SIPA1L3: variants seen among roughly 807,000 people sequenced by gnomAD.
The protein encoded by SIPA1L3 is signal induced proliferation associated 1 like 3.
In SIPA1L3, 59 loss-of-function variants were observed where a neutral mutation model predicts 150.1. The ratio of observed to expected loss-of-function variants is 0.39; its 90% confidence interval spans 0.32 to 0.49. The LOEUF is 0.49. Ranked by LOEUF, SIPA1L3 falls within the 20% of genes least tolerant of loss-of-function variation. The pLI, the probability that SIPA1L3 is intolerant of heterozygous loss-of-function variation, is 0.86. For missense variants in SIPA1L3, 2,211 were observed against 2,489.5 expected, an observed-to-expected ratio of 0.89 and a Z score of 2.38; for synonymous variants, 1,070 against 1,077.6, an observed-to-expected ratio of 0.99 and a Z score of 0.14.
intron 2 of SIPA1L3, among the ~76,000 whole-genome samples, chr19:38,069,505 C>G (rs1969668605): frequency 6.6e-6 from 1 of 152,132 alleles, no homozygotes; most frequent in South Asian, 2.1e-4. Flanking sequence ...GAGGCAGACC[C>G]TCTTCTCTCT....
chr19:38,079,303 A>G (rs1429110976), intron 2 of SIPA1L3, among the ~76,000 whole-genome samples: 1 of 152,228 alleles, frequency 6.6e-6, no homozygotes, highest in African/African-American at 2.4e-5. Context: ...ACTGTACTCC[A>G]GCCTGGGCAA....
chr19:37,912,551 A>T (rs1284173261), intron 1 of SIPA1L3, among the ~76,000 whole-genome samples: 1 of 152,106 alleles, frequency 6.6e-6, no homozygotes, highest in East Asian at 1.9e-4. Flanking sequence ...GCTGGAGTGC[A>T]GTGGCGTCAT....
At chr19:38,023,245 G>A (rs1353257386) in intron 1 of SIPA1L3, among the ~76,000 whole-genome samples, 1 of 152,208 alleles carries the variant, frequency 6.6e-6, no homozygotes, top group Non-Finnish European at 1.5e-5. Flanking sequence ...TGGAGAGGGT[G>A]AGGCGGTGGG....
At chr19:38,114,326 G>A (rs1335130363) in intron 8 of SIPA1L3, among the ~76,000 whole-genome samples, 1 of 151,770 alleles carries the variant, frequency 6.6e-6, no homozygotes, top group African/African-American at 2.4e-5. Context: ...AGGAGGCTGA[G>A]GCAGGAGAAT....
chr19:38,149,282 T>C (rs1223305568), intron 12 of SIPA1L3, among the ~76,000 whole-genome samples: 1 of 151,968 alleles, frequency 6.6e-6, no homozygotes, highest in Non-Finnish European at 1.5e-5. Flanking sequence ...GTGCCTGTCT[T>C]CCCTTGGGAG....
At chr19:37,975,375 C>T (rs1278100349) in intron 1 of SIPA1L3, among the ~76,000 whole-genome samples, 2 of 152,076 alleles carry the variant, frequency 1.3e-5, no homozygotes, top group African/African-American at 4.8e-5. Flanking sequence ...CAGAGCACTT[C>T]CAGGGGGAAC....
At position 38,062,629 on chromosome 19, in the gene SIPA1L3, T is replaced by A. The variant is rs1233942712; in HGVS notation, c.-310-18627T>A. On this transcript the variant is annotated intron_variant, in intron 2 of 21. Transcript: ENST00000222345. ...ATTTTATTATTATTATTATTTTTTTTTTTGAGAAAGAGTCTCACTCTGTTG... is the reference window on the plus strand; with the variant it reads ...ATTTTATTATTATTATTATTTTTTTATTTGAGAAAGAGTCTCACTCTGTTG... 9.9e-5 allele frequency among the ~76,000 whole-genome samples: 15 copies of A among 152,094 alleles called. No homozygotes were observed. In the East Asian group the frequency reaches 2.5e-3, roughly 25 times the overall value.
At chr19:37,909,742 C>T (rs1169015116) in intron 1 of SIPA1L3, among the ~76,000 whole-genome samples, 4 of 152,048 alleles carry the variant, frequency 2.6e-5, no homozygotes, top group Admixed American at 1.3e-4. Context: ...TAGAATATCC[C>T]GTGTGGGAGG....
intron 1 of SIPA1L3, among the ~76,000 whole-genome samples, chr19:37,978,306 G>A (rs897384829): frequency 2.0e-5 from 3 of 152,218 alleles, no homozygotes; most frequent in South Asian, 2.1e-4. Context: ...GCTCTCTAGG[G>A]GAGTTTCAGA....
chr19:38,114,424 CAAAAA>C (rs5828003), intron 8 of SIPA1L3, among the ~76,000 whole-genome samples: 7 of 100,250 alleles, frequency 7.0e-5, no homozygotes, highest in African/African-American at 2.3e-4. Context: ...ACTCTTGTCT[CAAAAA>C]AAAAAAAAAA....
At chr19:37,962,007 TTTATCTTTGAACATAC>T (rs2145575007) in intron 1 of SIPA1L3, among the ~76,000 whole-genome samples, 1 of 152,324 alleles carries the variant, frequency 6.6e-6, no homozygotes. Context: ...TGTTATTTTA[TTTATCTTTGAACATAC>T]TTATAATAGC....
chr19:37,934,977 T>G (rs2046587755), intron 1 of SIPA1L3, among the ~76,000 whole-genome samples: 1 of 152,142 alleles, frequency 6.6e-6, no homozygotes, highest in African/African-American at 2.4e-5. Context: ...TAGAGTTTTT[T>G]TTTCCCACAA....
intron 1 of SIPA1L3, among the ~76,000 whole-genome samples, chr19:37,993,106 T>C (rs1353726308): frequency 6.6e-6 from 1 of 152,150 alleles, no homozygotes; most frequent in Non-Finnish European, 1.5e-5. Context: ...GTGGGCCCTA[T>C]GGTCAGTCAG....
intron 1 of SIPA1L3, among the ~76,000 whole-genome samples, chr19:38,004,576 C>T (rs1052373844): frequency 1.3e-5 from 2 of 152,220 alleles, no homozygotes; most frequent in African/African-American, 4.8e-5. Context: ...AGGACCCGCT[C>T]AGGCTTGTGT....
At chr19:38,192,014 C>T (rs1221425537) in intron 16 of SIPA1L3, 131 bp from the exon 17 acceptor site, 11 of 771,090 alleles carry the variant, frequency 1.4e-5, no homozygotes, top group South Asian at 1.1e-4. Flanking sequence ...CTCTGCCACG[C>T]GTTTGCTGGG....
chr19:38,049,958 A>G (rs1249417298), intron 2 of SIPA1L3, among the ~76,000 whole-genome samples: 1 of 152,030 alleles, frequency 6.6e-6, no homozygotes, highest in Non-Finnish European at 1.5e-5. Flanking sequence ...CCCCTTTCCA[A>G]GAGAGGCCCA....
chr19:38,119,399 C>G lies in SIPA1L3; in HGVS notation c.2385C>G (p.Phe795Leu). ...GCAAATCCGACGTCTTCAGAGACTT[C>G]TTGCTGGCCAAGGTGATTAACGCTG... ...TFRKSDVFRDFLLAKVINAEN... is the reference protein window; with the variant it reads ...TFRKSDVFRDLLLAKVINAEN... The change falls in exon 9 of 22, where the codon TTC becomes TTG. Residue 795 changes from phenylalanine (F) to leucine (L), a missense_variant. Around this residue, in one of 5 missense-constraint regions of SIPA1L3, gnomAD observed 625 missense variants for 804.2 expected, o/e 0.78. Coordinates refer to ENST00000222345, the MANE Select transcript of SIPA1L3 (RefSeq NM_015073.3). The G allele has an allele frequency of 2.5e-6, 4 of 1,614,210 alleles. No homozygotes were observed. Among genetic ancestry groups the G allele is most frequent in the Non-Finnish European group, 3.4e-6 (4 of 1,180,032 alleles).
In SIPA1L3 at chr19:38,046,585, A is replaced by G. The variant is rs6508759; in HGVS notation, c.-311+17429A>G. Among the ~76,000 whole-genome samples the G allele has an allele frequency of 0.41, 62,172 of 151,898 alleles. 14,426 individuals are homozygous for G. Among genetic ancestry groups the G allele is most frequent in the African/African-American group, 0.64 (26,418 of 41,410 alleles). ...ATGGCACAGGAAATGACTCCTTCAT[A>G]GGCTGAGAGTTTTGGGAGGCCCTGT... is the stretch of plus-strand genomic sequence containing the variant. On this transcript the variant is annotated intron_variant, in intron 2 of 21. Transcript: ENST00000222345. The surrounding 1 kb of genome is among the most constrained non-coding windows in gnomAD (Gnocchi z 5.6).
At chr19:37,965,356 G>A (rs1036685288) in intron 1 of SIPA1L3, among the ~76,000 whole-genome samples, 3 of 128,058 alleles carry the variant, frequency 2.3e-5, no homozygotes, top group African/African-American at 8.8e-5. Context: ...TCCCTCTGTT[G>A]GCAGGCTGGA....
Sources: gnomAD v4.1 joint callset for allele counts (sites outside exome capture counted in the v4.1 genomes callset) on GRCh38, gnomAD v4.1.1 for gene constraint, gnomAD v4.1.1 regional missense constraint, Gnocchi (gnomAD v3.1) non-coding constraint, MANE v1.5 for transcripts, NCBI Gene and HGNC (gene_info 2026-07-23, HGNC 2026-07-21) for gene names.